The following RABGAP1L variants were observed in gnomAD, a reference collection of about 807,000 sequenced individuals.
RABGAP1L encodes the protein rab GTPase-activating protein 1-like.
RABGAP1L carries 63 observed loss-of-function variants against 137.7 expected under a neutral mutation model. That is an observed-to-expected ratio of 0.46 (90% confidence interval 0.37 to 0.56). The LOEUF (loss-of-function observed/expected upper bound fraction) is 0.56, where lower values mean the gene tolerates loss of function less well. Among genes scored for constraint, RABGAP1L ranks in the 20% least tolerant of loss-of-function variants. The pLI is 0.00. For synonymous variants in RABGAP1L, 431 were observed against 433.7 expected (o/e 0.99, Z 0.08); for missense variants, 1,095 against 1,244.0 (o/e 0.88, Z 1.80).
At chr1:174,264,148 A>G (rs943814398) in intron 7 of RABGAP1L, among the ~76,000 whole-genome samples, 1 of 151,998 alleles carries the variant, frequency 6.6e-6, no homozygotes, top group African/African-American at 2.4e-5. Flanking sequence ...TGTGCTTTAA[A>G]TATTTGATTT....
At chr1:174,930,483 AATTTTTT>A (rs1221791616) in intron 19 of RABGAP1L, among the ~76,000 whole-genome samples, 4 of 151,864 alleles carry the variant, frequency 2.6e-5, no homozygotes, top group African/African-American at 9.7e-5. Flanking sequence ...ATGCCTGGCT[AATTTTTT>A]ATTTTTTGTA....
At chr1:174,172,409 G>T (rs1665492217) in intron 1 of RABGAP1L, among the ~76,000 whole-genome samples, 1 of 152,138 alleles carries the variant, frequency 6.6e-6, no homozygotes, top group Non-Finnish European at 1.5e-5. Flanking sequence ...TATTTTTAAT[G>T]TTTTGAGGAA....
chr1:174,743,178 A>G (rs559753739), intron 17 of RABGAP1L, among the ~76,000 whole-genome samples: 1 of 152,324 alleles, frequency 6.6e-6, no homozygotes, highest in African/African-American at 2.4e-5. Flanking sequence ...GAAACTAGGG[A>G]CTTATATAGC....
chr1:174,516,729 G>C (rs961908942), intron 13 of RABGAP1L, among the ~76,000 whole-genome samples: 2 of 152,048 alleles, frequency 1.3e-5, no homozygotes, highest in Non-Finnish European at 2.9e-5. Context: ...TTAGGGCTTA[G>C]CAAGGTTTAA....
intron 19 of RABGAP1L, among the ~76,000 whole-genome samples, chr1:174,883,940 G>A (rs1654665606): frequency 6.6e-6 from 1 of 152,146 alleles, no homozygotes; most frequent in East Asian, 1.9e-4. Context: ...ATACAAAAGT[G>A]GAGATTGCTA....
At chr1:174,305,972 T>G (rs900754269) in intron 11 of RABGAP1L, among the ~76,000 whole-genome samples, 8 of 152,234 alleles carry the variant, frequency 5.3e-5, no homozygotes, top group Middle Eastern at 6.8e-3. Context: ...TGTCCAAGTG[T>G]TCTCATTGTT....
intron 9 of RABGAP1L, among the ~76,000 whole-genome samples, chr1:174,277,630 T>C (rs565734433): frequency 4.6e-5 from 7 of 152,020 alleles, no homozygotes; most frequent in Non-Finnish European, 8.8e-5. Context: ...TTCTAAATTA[T>C]GTCCTTGAAA....
chr1:174,259,333 G>C (rs1159319595), intron 7 of RABGAP1L, among the ~76,000 whole-genome samples: 1 of 152,022 alleles, frequency 6.6e-6, no homozygotes, highest in African/African-American at 2.4e-5. Context: ...TCAGTGCCAG[G>C]CACTGTTCTA....
intron 14 of RABGAP1L, among the ~76,000 whole-genome samples, chr1:174,639,540 G>A (rs1234353415): frequency 1.3e-5 from 2 of 152,036 alleles, no homozygotes; most frequent in African/African-American, 2.4e-5. Context: ...TATGGCATAT[G>A]CAACATTTTT....
intron 19 of RABGAP1L, chr1:174,892,627 C>T (rs1202036549): frequency 5.6e-6 from 3 of 533,584 alleles, no homozygotes; most frequent in Non-Finnish European, 1.1e-5. Flanking sequence ...TGTACATTTT[C>T]TTATTTGATG....
intron 17 of RABGAP1L, among the ~76,000 whole-genome samples, chr1:174,713,093 A>G (rs1357643848): frequency 6.6e-6 from 1 of 152,164 alleles, no homozygotes; most frequent in Non-Finnish European, 1.5e-5. Context: ...TGCTCCCAGC[A>G]CTTCCTTGCC....
chr1:174,828,941 T>G (rs1392407340), intron 19 of RABGAP1L, among the ~76,000 whole-genome samples: 1 of 148,372 alleles, frequency 6.7e-6, no homozygotes, highest in Non-Finnish European at 1.5e-5. Flanking sequence ...CAGTTATCTC[T>G]TCTGTAAAAT....
At chr1:174,534,659 C>T (rs1303246560) in intron 13 of RABGAP1L, among the ~76,000 whole-genome samples, 11 of 150,812 alleles carry the variant, frequency 7.3e-5, no homozygotes, top group Admixed American at 6.0e-4. Flanking sequence ...CCTATAATCG[C>T]ATCTACTCGG....
chr1:174,912,710 C>G (rs1319752049), intron 19 of RABGAP1L, among the ~76,000 whole-genome samples: 1 of 152,052 alleles, frequency 6.6e-6, no homozygotes, highest in East Asian at 1.9e-4. Flanking sequence ...AAAATTTAAT[C>G]CAGATATATG....
At chr1:174,556,060 C>A (rs896735246) in intron 13 of RABGAP1L, among the ~76,000 whole-genome samples, 1 of 145,096 alleles carries the variant, frequency 6.9e-6, no homozygotes, top group Non-Finnish European at 1.5e-5. Flanking sequence ...TGCAGTGGCG[C>A]GATCTTGGCT....
intron 1 of RABGAP1L, among the ~76,000 whole-genome samples, chr1:174,176,184 T>A (rs1405901104): frequency 6.6e-6 from 1 of 152,210 alleles, no homozygotes; most frequent in Non-Finnish European, 1.5e-5. Flanking sequence ...TTCTTTCATA[T>A]CACACCAGAA....
intron 11 of RABGAP1L, among the ~76,000 whole-genome samples, chr1:174,337,036 G>C (rs1681543183): frequency 6.6e-6 from 1 of 152,028 alleles, no homozygotes; most frequent in Admixed American, 6.6e-5. Flanking sequence ...AGTGGAGGGA[G>C]AGAGTGTATT....
intron 13 of RABGAP1L, among the ~76,000 whole-genome samples, chr1:174,587,180 G>A (rs1330190813): frequency 6.7e-6 from 1 of 150,076 alleles, no homozygotes; most frequent in Admixed American, 6.7e-5. Context: ...CCAAGTCTTT[G>A]CTATTGTGAA....
chr1:174,966,752 C>T (rs1476880561), intron 20 of RABGAP1L, among the ~76,000 whole-genome samples: 2 of 152,160 alleles, frequency 1.3e-5, no homozygotes, highest in African/African-American at 4.8e-5. Flanking sequence ...TTCTCAGGAA[C>T]ATCTAGGGAA....
Sources: allele counts gnomAD v4.1 joint callset (sites outside exome capture counted in the v4.1 genomes callset), GRCh38; gene constraint gnomAD v4.1.1; transcripts MANE v1.5; gene names NCBI Gene and HGNC (gene_info 2026-07-23, HGNC 2026-07-21).